Variants in BMPER observed in about 807,000 individuals in gnomAD.
The protein encoded by BMPER is BMP binding endothelial regulator.
In BMPER, 45 loss-of-function variants were observed where a neutral mutation model predicts 87.3. The ratio of observed to expected loss-of-function variants is 0.52; its 90% confidence interval spans 0.41 to 0.66. The LOEUF (loss-of-function observed/expected upper bound fraction) is 0.66. Among genes scored for constraint, BMPER ranks in the 30% least tolerant of loss-of-function variants. BMPER has a pLI of 0.00. For synonymous variants in BMPER, 326 were observed against 316.2 expected (o/e 1.03, Z -0.33); for missense variants, 784 against 867.5 (o/e 0.90, Z 1.21).
intron 10 of BMPER, among the ~76,000 whole-genome samples, chr7:34,060,792 G>A (rs529667345): frequency 1.0e-3 from 154 of 152,276 alleles, no homozygotes; most frequent in African/African-American, 3.4e-3. Context: ...GTAAACAGGG[G>A]ATAAGGACAA....
Position 34,028,684 on chromosome 7 carries a change from G to A in BMPER, c.577-17622G>A, listed in dbSNP as rs1047268144. On this transcript the variant is annotated intron_variant, in intron 6 of 14. Transcript: ENST00000649409. ...TCTTCGTATTTGTCCAGAAATGTCC[G>A]TAAGATGTCTTTGCTGGTCCTCAAT... Among the ~76,000 whole-genome samples the A allele has an allele frequency of 5.7e-5, 7 of 121,792 alleles. No individual in the cohort carries two copies. The South Asian group carries it at 1.4e-3, about 24-fold the overall frequency. 79.9% of individuals were successfully genotyped at this position (121,792 alleles called of 152,430 possible). A position where few individuals can be genotyped will look rare whatever the true frequency, so the allele number is the denominator to read the frequency against.
rs760161570 is a variant in BMPER at position 34,046,290 on chromosome 7, T to TTC, written c.577-10_577-9dup. 5 of 1,609,436 alleles carry TTC rather than the reference T, an allele frequency of 3.1e-6. No homozygotes were observed. In the South Asian group the frequency reaches 5.5e-5, roughly 18 times the overall value. ...TTACTTTTCTAAATATGCTTTTTTT[T>TTC]TCTCTCTTTTCTTAGGGAGGCAGGA... On this transcript the variant is annotated splice_polypyrimidine_tract_variant and intron_variant, in intron 6 of 14. Transcript: ENST00000649409.
At chr7:33,954,435 C>G (rs2128614211) in intron 3 of BMPER, among the ~76,000 whole-genome samples, 1 of 152,252 alleles carries the variant, frequency 6.6e-6, no homozygotes, top group East Asian at 1.9e-4. Context: ...CTTCCCGGCA[C>G]TGTTTTTGTT....
intron 3 of BMPER, among the ~76,000 whole-genome samples, chr7:33,958,450 C>T (rs1358196904): frequency 6.6e-6 from 1 of 152,166 alleles, no homozygotes; most frequent in Non-Finnish European, 1.5e-5. Context: ...AACATAAATC[C>T]TCAACATCAG....
At chr7:33,986,558 A>C (rs1786016340) in intron 6 of BMPER, among the ~76,000 whole-genome samples, 1 of 152,156 alleles carries the variant, frequency 6.6e-6, no homozygotes, top group African/African-American at 2.4e-5. Flanking sequence ...TTTAATGAGC[A>C]TGGTTACATG....
chr7:34,100,843 A>C (rs896091636), intron 13 of BMPER, among the ~76,000 whole-genome samples: 6 of 152,142 alleles, frequency 3.9e-5, no homozygotes, highest in African/African-American at 1.4e-4. Flanking sequence ...CTTGCTACCC[A>C]CGTATACACA....
intron 6 of BMPER, among the ~76,000 whole-genome samples, chr7:34,045,430 T>G (rs994620229): frequency 6.6e-6 from 1 of 152,050 alleles, no homozygotes; most frequent in African/African-American, 2.4e-5. Flanking sequence ...GACTATATCC[T>G]TAGGCAGGGA....
chr7:33,940,278 T>C (rs1225007322), intron 3 of BMPER, among the ~76,000 whole-genome samples: 1 of 152,238 alleles, frequency 6.6e-6, no homozygotes, highest in African/African-American at 2.4e-5. Context: ...TTTGGACATA[T>C]CGTCCTTAAT....
rs1562695116 is a variant in BMPER at position 34,024,378 on chromosome 7, AAAAACAATATATATAT to A, written c.577-21926_577-21911del. Among the ~76,000 whole-genome samples the A allele has an allele frequency of 2.9e-4, 26 of 89,322 alleles. 1 individual carries two copies. The highest frequency in any genetic ancestry group is 1.4e-3 in the African/African-American group (25 of 17,446). 58.6% of individuals were successfully genotyped at this position (89,322 alleles called of 152,430 possible). On this transcript the variant is annotated intron_variant, in intron 6 of 14. Coordinates refer to ENST00000649409, the MANE Select transcript of BMPER (RefSeq NM_001365308.1). ...GTCTCAAAAAAAAAAAAAAAAAAAA[AAAAACAATATATATAT>A]ATATATATATATATATATATATATA...
chr7:34,118,911 C>T (rs73095005), intron 13 of BMPER, among the ~76,000 whole-genome samples: 22,853 of 151,718 alleles, frequency 0.15, 2,170 homozygotes, highest in Non-Finnish European at 0.2. Context: ...TCTAGCCTGC[C>T]AGGCTACTCT....
chr7:33,992,632 T>A (rs1178510735), intron 6 of BMPER, among the ~76,000 whole-genome samples: 26 of 149,382 alleles, frequency 1.7e-4, no homozygotes, highest in Admixed American at 9.3e-4. Context: ...AAGTTAATAG[T>A]GTTATGTGTG....
At chr7:33,974,639 G>A in intron 5 of BMPER, 63 bp from the exon 6 acceptor site, 1 of 1,498,978 alleles carries the variant, frequency 6.7e-7, no homozygotes, top group South Asian at 1.1e-5. Context: ...TGGATAGAAG[G>A]ATTGTGTCAG....
chr7:33,905,773 C>T, intron 1 of BMPER, 27 bp downstream of exon 1: 1 of 1,586,988 alleles, frequency 6.3e-7, no homozygotes. Flanking sequence ...GAGGGACCGG[C>T]CCTCCGGGAC....
intron 2 of BMPER, among the ~76,000 whole-genome samples, chr7:33,934,439 A>T (rs114939041): frequency 1.1e-3 from 167 of 151,980 alleles, no homozygotes; most frequent in African/African-American, 3.7e-3. Context: ...TAGAATATTT[A>T]AAAACTCCCA....
chr7:34,014,123 A>C (rs1786959172), intron 6 of BMPER, among the ~76,000 whole-genome samples: 1 of 151,994 alleles, frequency 6.6e-6, no homozygotes, highest in Admixed American at 6.6e-5. Flanking sequence ...CTACTTGTTG[A>C]ATAGATGAAA....
intron 14 of BMPER, among the ~76,000 whole-genome samples, chr7:34,144,590 A>G (rs1472363163): frequency 9.4e-6 from 1 of 105,926 alleles, no homozygotes; most frequent in African/African-American, 3.0e-5. Context: ...GAGAGTCTAG[A>G]TTTTAGAAAT....
intron 2 of BMPER, among the ~76,000 whole-genome samples, chr7:33,918,897 G>C (rs1342897189): frequency 6.6e-6 from 1 of 152,158 alleles, no homozygotes; most frequent in Non-Finnish European, 1.5e-5. Context: ...TGGAAGAGCT[G>C]GCTGGCAGGG....
At chr7:33,967,748 T>A (rs1785439387) in intron 4 of BMPER, among the ~76,000 whole-genome samples, 2 of 152,186 alleles carry the variant, frequency 1.3e-5, no homozygotes, top group South Asian at 4.1e-4. Context: ...ATGCCCTGCC[T>A]CTTGACCAGC....
chr7:33,920,075 G>C (rs1254033552), intron 2 of BMPER, among the ~76,000 whole-genome samples: 1 of 152,144 alleles, frequency 6.6e-6, no homozygotes, highest in Non-Finnish European at 1.5e-5. Context: ...TGTGTGCTGG[G>C]GGCCCATAAA....
Sources: allele counts gnomAD v4.1 joint callset (sites outside exome capture counted in the v4.1 genomes callset), GRCh38; gene constraint gnomAD v4.1.1; transcripts MANE v1.5; gene names NCBI Gene and HGNC (gene_info 2026-07-23, HGNC 2026-07-21).